USP16: variants seen among roughly 807,000 people sequenced by gnomAD.
The protein encoded by USP16 is ubiquitin specific peptidase 16.
Under a neutral mutation model 95.9 loss-of-function variants are expected in USP16, and 77 were observed. The ratio of observed to expected loss-of-function variants is 0.80; its 90% CI spans 0.67 to 0.97. The LOEUF is 0.97. Among genes scored for constraint, USP16 ranks in the 50% least tolerant of loss-of-function variants. The pLI, the probability that USP16 is intolerant of heterozygous loss-of-function variation, is 0.00. For synonymous variants in USP16, 303 were observed against 318.2 expected (o/e 0.95, Z 0.51); for missense variants, 943 against 959.9 (o/e 0.98, Z 0.23).
intron 4 of USP16, among the ~76,000 whole-genome samples, chr21:29,035,525 C>T (rs1243382281): frequency 2.0e-5 from 3 of 151,700 alleles, no homozygotes; most frequent in East Asian, 3.9e-4. Flanking sequence ...AGGGATGCAC[C>T]ACCACGCCCG....
At chr21:29,045,949 G>A (rs2085315333) in intron 13 of USP16, among the ~76,000 whole-genome samples, 2 of 152,038 alleles carry the variant, frequency 1.3e-5, no homozygotes, top group Non-Finnish European at 2.9e-5. Flanking sequence ...GGGATTACAG[G>A]CGCGCACCAC....
chr21:29,052,040 A>T (rs1601077742), intron 16 of USP16: 1 of 152,082 alleles, frequency 6.6e-6, no homozygotes, highest in South Asian at 2.1e-4. Flanking sequence ...GATGAATTGG[A>T]TATGGAGGAG....
intron 6 of USP16, 33 bp from the exon 7 acceptor site, chr21:29,038,302 A>G: frequency 6.7e-7 from 1 of 1,486,788 alleles, no homozygotes; most frequent in Non-Finnish European, 9.3e-7. Context: ...CCTTTAAATA[A>G]TTTTTCTCTT....
chr21:29,045,984 T>C (rs113195607), intron 13 of USP16, among the ~76,000 whole-genome samples: 2 of 152,222 alleles, frequency 1.3e-5, no homozygotes, highest in African/African-American at 4.8e-5. Context: ...CAGGCACGCC[T>C]GGCTAATTTT....
At chr21:29,048,952 G>C (rs1044780976) in intron 15 of USP16, 97 bp downstream of exon 15, 6 of 944,612 alleles carry the variant, frequency 6.4e-6, no homozygotes, top group African/African-American at 1.7e-5. Flanking sequence ...TTGTTTCTTT[G>C]GTTTTCTGTT....
In USP16 at chr21:29,036,276, A is replaced by T; in HGVS notation, c.350A>T (p.Tyr117Phe). Residue 117 changes from tyrosine to phenylalanine, a missense_variant, in exon 5 of 18, where the codon TAC becomes TTC. Coordinates refer to ENST00000399976, the MANE Select transcript of USP16 (RefSeq NM_006447.3). ...CTCTGATTTTTGGGTCACAGGTGTTACGTATGTGATAATGAGGTCCAGTAT... is the reference window on the plus strand; with the variant it reads ...CTCTGATTTTTGGGTCACAGGTGTTTCGTATGTGATAATGAGGTCCAGTAT... The part of the protein sequence containing the change: ...LSLDNWSVWC[Y>F]VCDNEVQYCS... The T allele has an allele frequency of 6.2e-7, 1 of 1,609,018 alleles. No homozygotes were observed. The highest frequency in any genetic ancestry group is 8.5e-7 in the Non-Finnish European group (1 of 1,177,088).
chr21:29,030,453 A>T (rs1568882923), intron 2 of USP16, 142 bp from the exon 3 acceptor site: 1 of 710,996 alleles, frequency 1.4e-6, no homozygotes, highest in South Asian at 4.6e-5. Flanking sequence ...TCAAATATCA[A>T]ACAATTTTAA....
chr21:29,048,325 T>C (rs1000051558), intron 14 of USP16, among the ~76,000 whole-genome samples: 31 of 152,022 alleles, frequency 2.0e-4, no homozygotes, highest in Non-Finnish European at 5.9e-5. Flanking sequence ...TCAAGTGATT[T>C]GCCCGCCTAG....
chr21:29,032,479 C>G (rs1399115424), intron 3 of USP16, among the ~76,000 whole-genome samples: 1 of 152,100 alleles, frequency 6.6e-6, no homozygotes, highest in African/African-American at 2.4e-5. Flanking sequence ...TGATCTACCC[C>G]CCTGGGCCTC....
At chr21:29,031,204 G>A (rs1345429611) in intron 3 of USP16, among the ~76,000 whole-genome samples, 1 of 152,134 alleles carries the variant, frequency 6.6e-6, no homozygotes, top group Non-Finnish European at 1.5e-5. Context: ...GCTCTCAGCC[G>A]GCCACATTCT....
chr21:29,043,954 A>G (rs905119454), intron 13 of USP16, among the ~76,000 whole-genome samples: 1 of 151,940 alleles, frequency 6.6e-6, no homozygotes, highest in Non-Finnish European at 1.5e-5. Context: ...CCAACCCGAG[A>G]TGGAGTCTTG....
chr21:29,030,099 C>T (rs181521483), intron 2 of USP16, among the ~76,000 whole-genome samples: 5 of 151,856 alleles, frequency 3.3e-5, no homozygotes, highest in African/African-American at 7.2e-5. Context: ...TACCATGTTT[C>T]GGAGATTCTT....
intron 16 of USP16, among the ~76,000 whole-genome samples, chr21:29,050,732 G>A (rs1056195884): frequency 1.3e-5 from 2 of 152,206 alleles, no homozygotes; most frequent in African/African-American, 4.8e-5. Context: ...GTTATAGGGA[G>A]AGTTGAGAAA....
Position 29,030,748 on chromosome 21 carries a change from G to C in USP16, c.215G>C (p.Trp72Ser). 8 of 1,611,092 alleles carry C rather than the reference G, an allele frequency of 5.0e-6. No individual in the cohort carries two copies. Among genetic ancestry groups the C allele is most frequent in the Non-Finnish European group, 6.8e-6 (8 of 1,179,152 alleles). Residue 72 changes from tryptophan to serine, a missense_variant, in exon 3 of 18, where the codon TGG becomes TCG. Transcript: ENST00000399976. Reference sequence around the variant, plus strand: ...GAAACAGAAGAAAAGCCTTCAGTTTGGCTGTGTCTTAAATGTGGCCATCAG... The same window carrying C: ...GAAACAGAAGAAAAGCCTTCAGTTTCGCTGTGTCTTAAATGTGGCCATCAG... ...EEETEEKPSV[W>S]LCLKCGHQGC... is the part of the protein sequence containing the mutation.
chr21:29,047,775 CT>C (rs1282511465), intron 14 of USP16, among the ~76,000 whole-genome samples: 32 of 146,216 alleles, frequency 2.2e-4, no homozygotes, highest in African/African-American at 1.5e-4. Flanking sequence ...CTCCCCATTG[CT>C]TTTTTTTTTG....
intron 13 of USP16, among the ~76,000 whole-genome samples, chr21:29,044,973 A>G (rs993254677): frequency 6.6e-6 from 1 of 152,192 alleles, no homozygotes; most frequent in African/African-American, 2.4e-5. Flanking sequence ...ATTGTCCTTC[A>G]CAAAGGTTGC....
At chr21:29,036,426 C>T in intron 5 of USP16, 52 bp downstream of exon 5, 1 of 1,508,580 alleles carries the variant, frequency 6.6e-7, no homozygotes, top group East Asian at 2.3e-5. Flanking sequence ...TGTGTATCTG[C>T]TGATACTTAG....
intron 1 of USP16, among the ~76,000 whole-genome samples, chr21:29,025,176 A>G (rs1226010750): frequency 1.3e-5 from 2 of 152,164 alleles, no homozygotes; most frequent in Non-Finnish European, 2.9e-5. Context: ...CACTTATCCA[A>G]TTGACTATAT....
chr21:29,046,662 C>G lies in USP16; in HGVS notation c.1357-5C>G. 6.3e-7 allele frequency: 1 copy of G among 1,595,834 alleles called. No individual in the cohort carries two copies. The highest frequency in any genetic ancestry group is 8.5e-7 in the Non-Finnish European group (1 of 1,173,452). ...ATTTTTTGATGCCGTATACTTTTTA[C>G]CCAGAACCAACGAAGACAACAAAAA... On this transcript the variant is annotated splice_region_variant and splice_polypyrimidine_tract_variant and intron_variant, in intron 13 of 17. Transcript: ENST00000399976.
Sources: allele counts gnomAD v4.1 joint callset (sites outside exome capture counted in the v4.1 genomes callset), GRCh38; gene constraint gnomAD v4.1.1; transcripts MANE v1.5; gene names NCBI Gene and HGNC (gene_info 2026-07-23, HGNC 2026-07-21).